Variants in NRG3 observed in about 807,000 individuals in gnomAD.
The protein encoded by NRG3 is neuregulin 3.
In NRG3, 31 loss-of-function variants were observed where a neutral mutation model predicts 66.9. The observed-to-expected ratio is 0.46, with a 90% CI of 0.35 to 0.63. The LOEUF is 0.63. Among genes scored for constraint, NRG3 ranks in the 20% least tolerant of loss-of-function variants. NRG3 has a pLI of 0.00. For synonymous variants in NRG3, 393 were observed against 359.4 expected (o/e 1.09, Z -1.06); for missense variants, 910 against 878.9 (o/e 1.04, Z -0.45).
At chr10:81,969,520 G>A (rs1285360696) in intron 1 of NRG3, among the ~76,000 whole-genome samples, 1 of 152,242 alleles carries the variant, frequency 6.6e-6, no homozygotes, top group East Asian at 1.9e-4. Flanking sequence ...TCTAGTCTGA[G>A]CTGACATTTC....
chr10:82,904,574 TG>T (rs1433893560), intron 4 of NRG3, among the ~76,000 whole-genome samples: 1 of 152,188 alleles, frequency 6.6e-6, no homozygotes, highest in Non-Finnish European at 1.5e-5. Flanking sequence ...TATTCCTCAA[TG>T]TTTTTTATAT....
chr10:82,518,237 C>T (rs1590442947), intron 2 of NRG3, among the ~76,000 whole-genome samples: 1 of 152,144 alleles, frequency 6.6e-6, no homozygotes, highest in East Asian at 1.9e-4. Context: ...GACTATACAG[C>T]TATGTACTTT....
chr10:82,365,366 A>G (rs1331397983), intron 2 of NRG3, among the ~76,000 whole-genome samples: 1 of 152,218 alleles, frequency 6.6e-6, no homozygotes, highest in Non-Finnish European at 1.5e-5. Flanking sequence ...AGAACCTTAG[A>G]AGAATTTGCA....
chr10:82,779,534 T>C (rs2060036386), intron 3 of NRG3, among the ~76,000 whole-genome samples: 1 of 152,194 alleles, frequency 6.6e-6, no homozygotes, highest in Non-Finnish European at 1.5e-5. Context: ...GCACCTCTAG[T>C]GAGACATCTT....
At chr10:82,106,749 G>A (rs975589257) in intron 1 of NRG3, among the ~76,000 whole-genome samples, 49 of 151,902 alleles carry the variant, frequency 3.2e-4, no homozygotes, top group Admixed American at 3.3e-4. Context: ...CAAATGATCC[G>A]CCTGCCTCGG....
chr10:82,155,575 G>T (rs1054481791), intron 1 of NRG3, among the ~76,000 whole-genome samples: 2 of 151,578 alleles, frequency 1.3e-5, no homozygotes, highest in Non-Finnish European at 3.0e-5. Flanking sequence ...TAATAAAAAG[G>T]GTATGGCTTA....
intron 2 of NRG3, among the ~76,000 whole-genome samples, chr10:82,424,087 T>G (rs2089261694): frequency 6.6e-6 from 1 of 152,082 alleles, no homozygotes; most frequent in Non-Finnish European, 1.5e-5. Flanking sequence ...TGGTGACTAA[T>G]GCTTCTATAG....
chr10:82,912,630 G>A (rs562925539), intron 4 of NRG3, among the ~76,000 whole-genome samples: 2 of 152,064 alleles, frequency 1.3e-5, no homozygotes, highest in East Asian at 3.9e-4. Context: ...AATTGGTTTA[G>A]GCTATTTATA....
At chr10:82,638,481 T>TTGCCC (rs1366391160) in intron 2 of NRG3, among the ~76,000 whole-genome samples, 1 of 152,120 alleles carries the variant, frequency 6.6e-6, no homozygotes, top group African/African-American at 2.4e-5. Context: ...AGCCTTACAT[T>TTGCCC]TGCCCGGTTT....
chr10:82,772,400 G>T (rs561985461), intron 3 of NRG3, among the ~76,000 whole-genome samples: 2 of 152,094 alleles, frequency 1.3e-5, no homozygotes, highest in African/African-American at 4.8e-5. Flanking sequence ...TAGTTGTCAT[G>T]TTGCACATTA....
chr10:82,671,819 G>T (rs1027099519), intron 2 of NRG3, among the ~76,000 whole-genome samples: 1 of 152,190 alleles, frequency 6.6e-6, no homozygotes, highest in South Asian at 2.1e-4. Context: ...GAACAAGTGG[G>T]AGATAATTAG....
Position 82,073,090 on chromosome 10 carries a change from T to A in NRG3, c.823+196927T>A, listed in dbSNP as rs77140901. 1.2e-3 allele frequency among the ~76,000 whole-genome samples: 176 copies of A among 151,364 alleles called. 1 individual carries two copies. In the East Asian group the frequency reaches 0.021, roughly 18 times the overall value. ...ACACTGGGCCTCTACTGTAGACACA[T>A]CTTTATAAAATTAGGAAGAAGTGAA... On this transcript the variant is annotated intron_variant, in intron 1 of 8. Transcript: ENST00000372141.
At chr10:82,156,842 T>C (rs1176557228) in intron 1 of NRG3, among the ~76,000 whole-genome samples, 5 of 151,668 alleles carry the variant, frequency 3.3e-5, no homozygotes, top group Admixed American at 3.3e-4. Context: ...CAAATAAGTT[T>C]ATGTTGAAAG....
At position 82,581,987 on chromosome 10, in the gene NRG3, T is replaced by C. The variant is rs568968165; in HGVS notation, c.954-156590T>C. 2.0e-5 allele frequency among the ~76,000 whole-genome samples: 3 copies of C among 152,212 alleles called. No individual in the cohort carries two copies. In the South Asian group the frequency reaches 6.2e-4, roughly 32 times the overall value. On this transcript the variant is annotated intron_variant, in intron 2 of 8. Transcript: ENST00000372141. The stretch of plus-strand genomic sequence containing the variant: ...TATATTAACTTTTTGTTTGCTTCTT[T>C]ATTGATATTTATAGTATCGAATCAA...
intron 1 of NRG3, among the ~76,000 whole-genome samples, chr10:81,945,449 T>G (rs1589551761): frequency 6.6e-6 from 1 of 152,272 alleles, no homozygotes; most frequent in South Asian, 2.1e-4. Flanking sequence ...CTGAGTTACA[T>G]TTTGTCTTCC....
At chr10:81,950,678 G>C (rs1040693667) in intron 1 of NRG3, among the ~76,000 whole-genome samples, 3 of 152,152 alleles carry the variant, frequency 2.0e-5, no homozygotes, top group Non-Finnish European at 4.4e-5. Flanking sequence ...CAGCATTTCT[G>C]TGTTATCTGA....
intron 1 of NRG3, among the ~76,000 whole-genome samples, chr10:81,888,908 C>T (rs1842813425): frequency 6.6e-6 from 1 of 152,292 alleles, no homozygotes; most frequent in African/African-American, 2.4e-5. Flanking sequence ...CTAAGGCTAA[C>T]TTGTTCCAAA....
chr10:82,341,504 T>C (rs908083503), intron 1 of NRG3, among the ~76,000 whole-genome samples: 4 of 152,140 alleles, frequency 2.6e-5, no homozygotes, highest in Non-Finnish European at 5.9e-5. Context: ...TATTACTGCA[T>C]GCTGACTTCT....
intron 2 of NRG3, among the ~76,000 whole-genome samples, chr10:82,402,716 T>C (rs2087202053): frequency 6.6e-6 from 1 of 152,158 alleles, no homozygotes; most frequent in African/African-American, 2.4e-5. Context: ...TTTTAGTTAT[T>C]ATTTGGCATT....
Sources: allele counts gnomAD v4.1 joint callset (sites outside exome capture counted in the v4.1 genomes callset), GRCh38; gene constraint gnomAD v4.1.1; transcripts MANE v1.5; gene names NCBI Gene and HGNC (gene_info 2026-07-23, HGNC 2026-07-21).